Variants in SLC9A5 observed in about 807,000 individuals in gnomAD.
SLC9A5 encodes the protein sodium/hydrogen exchanger 5.
SLC9A5 carries 52 observed loss-of-function variants against 91.7 expected under a neutral mutation model. The ratio of observed to expected loss-of-function variants is 0.57; its 90% CI spans 0.45 to 0.71. SLC9A5 has a LOEUF of 0.71. SLC9A5 is among the 30% of genes least tolerant of loss of function. SLC9A5 has a pLI of 0.00. For synonymous variants in SLC9A5, 419 were observed against 474.5 expected, an observed-to-expected ratio of 0.88 and a Z score of 1.52; for missense variants, 871 against 1,158.9, an observed-to-expected ratio of 0.75 and a Z score of 3.61.
chr16:67,267,996 T>C (rs1409990225), intron 15 of SLC9A5, among the ~76,000 whole-genome samples: 1 of 152,106 alleles, frequency 6.6e-6, no homozygotes, highest in Non-Finnish European at 1.5e-5. Flanking sequence ...CTTCAGTACA[T>C]GTCTCTAAAA....
rs773852938 is a variant in SLC9A5, at chr16:67,255,361, G to A, written c.655-32G>A. On this transcript the variant is annotated intron_variant, in intron 3 of 15. Transcript: ENST00000299798. The surrounding 1 kb of genome is among the most constrained non-coding windows in gnomAD (Gnocchi z 4.9). ...CAGCAGTCCCAGTTGCTGCCTTCCCGCCTCACTGCTGACTCTCCTCTTCTC... is the reference window on the plus strand; with the variant it reads ...CAGCAGTCCCAGTTGCTGCCTTCCCACCTCACTGCTGACTCTCCTCTTCTC... 9 of 1,594,938 alleles carry A rather than the reference G, an allele frequency of 5.6e-6. No homozygotes were observed. The highest frequency in any genetic ancestry group is 5.4e-5 in the African/African-American group (4 of 74,542).
intron 15 of SLC9A5, 35 bp downstream of exon 15, chr16:67,266,260 A>C (rs748312445): frequency 6.4e-7 from 1 of 1,554,788 alleles, no homozygotes; most frequent in Admixed American, 2.1e-5. Context: ...TCCCCTCTGG[A>C]GCAAGCTGGT....
intron 13 of SLC9A5, 90 bp downstream of exon 13, chr16:67,264,612 G>A: frequency 1.5e-6 from 2 of 1,373,236 alleles, no homozygotes; most frequent in Non-Finnish European, 2.1e-6. Flanking sequence ...AGCTTAGGGG[G>A]AACCCCAGTT....
At position 67,255,261 on chromosome 16, in the gene SLC9A5, A is replaced by G; in HGVS notation, c.654+77A>G. On this transcript the variant is annotated intron_variant, in intron 3 of 15. Coordinates refer to ENST00000299798, the MANE Select transcript of SLC9A5 (RefSeq NM_004594.3). The surrounding 1 kb of genome is among the most constrained non-coding windows in gnomAD (Gnocchi z 4.9). ...ACCAACTAGGGGTCTGCGCAGACTC[A>G]GTCCCTTCCCTTGGGTCCCCTGGGG... 6.4e-7 allele frequency: 1 copy of G among 1,557,448 alleles called. No individual in the cohort carries two copies. Among genetic ancestry groups the G allele is most frequent in the Admixed American group, 1.7e-5 (1 of 58,364 alleles).
intron 15 of SLC9A5, among the ~76,000 whole-genome samples, chr16:67,268,658 TTATATATATATATATATATA>T (rs60054219): frequency 0.053 from 2,236 of 42,322 alleles, 124 homozygotes; most frequent in Non-Finnish European, 0.072. Flanking sequence ...ATTTCCCTGA[TTATATATATATATATATATA>T]TATATATATA....
rs770636286 is a variant in SLC9A5, at chr16:67,257,658, C to G, written c.1496+57C>G. 1.4e-4 allele frequency: 221 copies of G among 1,556,330 alleles called. 1 individual carries two copies. The highest frequency in any genetic ancestry group is 1.8e-4 in the Non-Finnish European group (202 of 1,128,296). Reference sequence around the variant, plus strand: ...GCAGCAGCCCCACCAGCCAGGGAAGCATGGGGGATGTGCCACACTTCTGAG... The same window carrying G: ...GCAGCAGCCCCACCAGCCAGGGAAGGATGGGGGATGTGCCACACTTCTGAG... On this transcript the variant is annotated intron_variant, in intron 9 of 15. Coordinates refer to ENST00000299798, the MANE Select transcript of SLC9A5 (RefSeq NM_004594.3). The surrounding 1 kb of genome is among the most constrained non-coding windows in gnomAD (Gnocchi z 5.1).
chr16:67,254,965 C>G (rs2035255584), intron 2 of SLC9A5, 56 bp from the exon 3 acceptor site: 5 of 1,561,102 alleles, frequency 3.2e-6, no homozygotes, highest in Non-Finnish European at 4.4e-6. Flanking sequence ...AGGGCGTGCT[C>G]CAGGAGACTG....
rs753661396 is a variant in SLC9A5 at position 67,255,583 on chromosome 16, T to C, written c.733+112T>C. On this transcript the variant is annotated intron_variant, in intron 4 of 15. Coordinates refer to ENST00000299798, the MANE Select transcript of SLC9A5 (RefSeq NM_004594.3). The surrounding 1 kb of genome is among the most constrained non-coding windows in gnomAD (Gnocchi z 4.9). ...AGGCTATTCGGGTTGCCTCATCTCC[T>C]CTATAGAGAAATGGGGTCTGGGAGG... is the stretch of plus-strand genomic sequence containing the variant. 6.3e-5 allele frequency: 84 copies of C among 1,334,064 alleles called. No individual in the cohort carries two copies. The highest frequency in any genetic ancestry group is 8.4e-5 in the Non-Finnish European group (79 of 941,438). 82.6% of individuals were successfully genotyped at this position (1,334,064 alleles called of 1,614,324 possible). A position where few individuals can be genotyped will look rare whatever the true frequency, so the allele number is the denominator to read the frequency against.
In SLC9A5 at chr16:67,264,440, G is replaced by A. The variant is rs561872101; in HGVS notation, c.1931G>A (p.Arg644Gln). The A allele has an allele frequency of 9.9e-6, 16 of 1,614,164 alleles. No homozygotes were observed. Among genetic ancestry groups the A allele is most frequent in the African/African-American group, 5.3e-5 (4 of 75,058 alleles). ...KEVFQQNMKRRLESFKSTKHN... is the reference protein window; with the variant it reads ...KEVFQQNMKRQLESFKSTKHN... ...GTCTTCCAGCAGAACATGAAGCGGC[G>A]GCTGGAGTCCTTTAAGTCCACCAAG... The change falls in exon 13 of 16, where the codon CGG becomes CAG. Residue 644 changes from arginine (R) to glutamine (Q), a missense_variant. Physicochemically the swap from Arg to Gln is conservative, Grantham distance 43. Around this residue, in one of 3 missense-constraint regions of SLC9A5, gnomAD observed 454 missense variants for 718.3 expected, o/e 0.63. Transcript: ENST00000299798.
At chr16:67,260,383 T>C (rs1253830809) in intron 12 of SLC9A5, among the ~76,000 whole-genome samples, 1 of 112,606 alleles carries the variant, frequency 8.9e-6, no homozygotes, top group African/African-American at 6.0e-5. Flanking sequence ...AAAAAGAGTG[T>C]GGGTTTTATC....
Position 67,256,012 on chromosome 16 carries a change from C to A in SLC9A5, c.911+82C>A. 7.0e-7 allele frequency: 1 copy of A among 1,438,646 alleles called. No homozygotes were observed. Among genetic ancestry groups the A allele is most frequent in the Non-Finnish European group, 9.5e-7 (1 of 1,055,136 alleles). The allele number at this position is 1,438,646 out of a possible 1,614,324, so 89.1% of individuals were successfully genotyped here. A position where few individuals can be genotyped will look rare whatever the true frequency, so the allele number is the denominator to read the frequency against. On this transcript the variant is annotated intron_variant, in intron 5 of 15. Transcript: ENST00000299798. The surrounding 1 kb of genome is among the most constrained non-coding windows in gnomAD (Gnocchi z 4.1). ...CCCCTCATAGGGACACAGGCAGGAA[C>A]TTCAGGAGTCCATAGGTTTCCCTGA...
chr16:67,257,098 C>T lies in SLC9A5; in HGVS notation c.1320C>T (p.Phe440=), dbSNP rs1009218027. 1.1e-5 allele frequency: 18 copies of T among 1,610,454 alleles called. No homozygotes were observed. Among genetic ancestry groups the T allele is most frequent in the Non-Finnish European group, 1.5e-5 (18 of 1,179,782 alleles). The change falls in exon 7 of 16, where the codon TTC becomes TTT. Residue 440 remains phenylalanine (F), a synonymous_variant. Coordinates refer to ENST00000299798, the MANE Select transcript of SLC9A5 (RefSeq NM_004594.3). The surrounding 1 kb of genome is among the most constrained non-coding windows in gnomAD (Gnocchi z 5.1). ...FVATTIVVVF[F]TVIVQGLTIK... ...CCACCACTATTGTAGTGGTCTTCTT[C>T]ACAGTCATCGTGCAGGTGGGAGTGC...
intron 10 of SLC9A5, 116 bp from the exon 11 acceptor site, chr16:67,259,457 C>A: frequency 1.4e-6 from 1 of 721,252 alleles, no homozygotes; most frequent in Non-Finnish European, 2.5e-6. Flanking sequence ...TAGCAGAGTA[C>A]CTGGCATGTC....
At chr16:67,251,651 T>C (rs958729811) in intron 1 of SLC9A5, among the ~76,000 whole-genome samples, 2 of 152,006 alleles carry the variant, frequency 1.3e-5, no homozygotes, top group Admixed American at 6.6e-5. Context: ...TGACCTCAGG[T>C]GATCTGCCCA....
Position 67,258,905 on chromosome 16 carries a change from G to A in SLC9A5, c.1626+458G>A, listed in dbSNP as rs1259720317. Among the ~76,000 whole-genome samples, 1 of 151,356 alleles carries A rather than the reference G, an allele frequency of 6.6e-6. No homozygotes were observed. The highest frequency in any genetic ancestry group is 1.5e-5 in the Non-Finnish European group (1 of 67,912). Reference sequence around the variant, plus strand: ...TACTAAAAATACAAAAACTAGCCAGGCATGGTGGTGCATGCCTGTAATCCC... The same window carrying A: ...TACTAAAAATACAAAAACTAGCCAGACATGGTGGTGCATGCCTGTAATCCC... On this transcript the variant is annotated intron_variant, in intron 10 of 15. Coordinates refer to ENST00000299798, the MANE Select transcript of SLC9A5 (RefSeq NM_004594.3). This position sits in a 1 kb window ranked among gnomAD's most constrained non-coding sequence, Gnocchi z 4.5.
chr16:67,258,270 C>A lies in SLC9A5; in HGVS notation c.1497-48C>A. The A allele has an allele frequency of 6.2e-7, 1 of 1,607,048 alleles. No homozygotes were observed. The highest frequency in any genetic ancestry group is 1.3e-5 in the African/African-American group (1 of 75,014). ...CCCCGTCTGAGGAAGGGCCACCTGG[C>A]CAGGCCTTGGGAATGGGACTCAGGG... is the stretch of plus-strand genomic sequence containing the variant. On this transcript the variant is annotated intron_variant, in intron 9 of 15. Coordinates refer to ENST00000299798, the MANE Select transcript of SLC9A5 (RefSeq NM_004594.3). This position sits in a 1 kb window ranked among gnomAD's most constrained non-coding sequence, Gnocchi z 4.5.
At position 67,257,399 on chromosome 16, in the gene SLC9A5, C is replaced by T; in HGVS notation, c.1390C>T (p.His464Tyr). The change falls in exon 8 of 16, where the codon CAC becomes TAC. Residue 464 changes from histidine to tyrosine, a missense_variant. Transcript: ENST00000299798. This position sits in a 1 kb window ranked among gnomAD's most constrained non-coding sequence, Gnocchi z 5.1. Reference protein sequence around the residue: ...KWLKVKRSEHHKPTLNQELHE... With the variant: ...KWLKVKRSEHYKPTLNQELHE... Reference sequence around the variant, plus strand: ...GCTGAAGGTGAAGAGGAGTGAGCATCACAAACCCACCCTGAACCAGGAGCT... The same window carrying T: ...GCTGAAGGTGAAGAGGAGTGAGCATTACAAACCCACCCTGAACCAGGAGCT... 1 of 1,614,216 alleles carries T rather than the reference C, an allele frequency of 6.2e-7. No homozygotes were observed. The highest frequency in any genetic ancestry group is 8.5e-7 in the Non-Finnish European group (1 of 1,180,026).
At chr16:67,254,925 A>G (rs1162219745) in intron 2 of SLC9A5, 96 bp from the exon 3 acceptor site, 1 of 1,248,718 alleles carries the variant, frequency 8.0e-7, no homozygotes, top group South Asian at 1.4e-5. Flanking sequence ...CCTTGCTGTT[A>G]TCAGCAGGGG....
Position 67,258,205 on chromosome 16 carries a change from C to T in SLC9A5, c.1497-113C>T. 1.9e-6 allele frequency: 2 copies of T among 1,033,524 alleles called. No individual in the cohort carries two copies. Among genetic ancestry groups the T allele is most frequent in the Non-Finnish European group, 1.5e-6 (1 of 689,522 alleles). The allele number at this position is 1,033,524 out of a possible 1,614,324, so 64.0% of individuals were successfully genotyped here. A position where few individuals can be genotyped will look rare whatever the true frequency, so the allele number is the denominator to read the frequency against. ...CCTTGAGATTCTCTCTGGCTGAGGC[C>T]CATATCTAAAAAGCCAGGCCAGTGC... On this transcript the variant is annotated intron_variant, in intron 9 of 15. Transcript: ENST00000299798. This position sits in a 1 kb window ranked among gnomAD's most constrained non-coding sequence, Gnocchi z 4.5.
Sources: gnomAD v4.1 joint callset for allele counts (sites outside exome capture counted in the v4.1 genomes callset) on GRCh38, gnomAD v4.1.1 for gene constraint, gnomAD v4.1.1 regional missense constraint, Gnocchi (gnomAD v3.1) non-coding constraint, MANE v1.5 for transcripts, NCBI Gene and HGNC (gene_info 2026-07-23, HGNC 2026-07-21) for gene names.